The following COL24A1 variants were observed in gnomAD, a reference collection of about 807,000 sequenced individuals.
COL24A1 encodes collagen alpha-1(XXIV) chain.
A neutral mutation model predicts 253.9 loss-of-function variants in COL24A1; 224 were observed. The observed-to-expected ratio is 0.88, with a 90% confidence interval of 0.79 to 0.99. The LOEUF (loss-of-function observed/expected upper bound fraction) is 0.99. Among genes scored for constraint, COL24A1 ranks in the 50% least tolerant of loss-of-function variants. COL24A1 has a pLI of 0.00. For synonymous variants in COL24A1, 685 were observed against 673.7 expected (o/e 1.02, Z -0.26); for missense variants, 2,131 against 2,068.5 (o/e 1.03, Z -0.59).
chr1:85,860,557 C>T (rs890137590), intron 37 of COL24A1, among the ~76,000 whole-genome samples: 11 of 152,186 alleles, frequency 7.2e-5, no homozygotes, highest in Admixed American at 2.6e-4. Flanking sequence ...CTGGCTAACA[C>T]GGTGAAATCC....
chr1:85,944,263 C>T (rs989960717), intron 24 of COL24A1, among the ~76,000 whole-genome samples: 1 of 152,074 alleles, frequency 6.6e-6, no homozygotes, highest in African/African-American at 2.4e-5. Flanking sequence ...TTATATATTT[C>T]ACTTTTTGAC....
At chr1:86,055,243 T>A (rs550835985) in intron 10 of COL24A1, among the ~76,000 whole-genome samples, 1 of 152,148 alleles carries the variant, frequency 6.6e-6, no homozygotes, top group Non-Finnish European at 1.5e-5. Context: ...ACCTCAGCAT[T>A]ACACAATATA....
At chr1:86,088,803 A>C (rs1703266314) in intron 7 of COL24A1, among the ~76,000 whole-genome samples, 1 of 152,220 alleles carries the variant, frequency 6.6e-6, no homozygotes, top group South Asian at 2.1e-4. Context: ...TGACTTCAAG[A>C]TCTCAGAAGT....
chr1:85,744,183 T>C (rs1664955174), intron 57 of COL24A1, among the ~76,000 whole-genome samples: 2 of 152,232 alleles, frequency 1.3e-5, no homozygotes, highest in South Asian at 4.1e-4. Context: ...AATCGGGGCA[T>C]CTGTGTTGAG....
chr1:86,068,633 C>T lies in COL24A1; in HGVS notation c.1708-4874G>A, dbSNP rs189243453. Among the ~76,000 whole-genome samples, 6 of 152,272 alleles carry T rather than the reference C, an allele frequency of 3.9e-5. No homozygotes were observed. In the East Asian group the frequency reaches 1.2e-3, roughly 29 times the overall value. ...GGTGGAATGTGAACTAAGGAGACAA[C>T]AGCTGGCATGGCTAATGGAGTGTGA... On this transcript the variant is annotated intron_variant, in intron 7 of 59. Transcript: ENST00000370571.
At chr1:85,922,735 A>C (rs1317252153) in intron 24 of COL24A1, among the ~76,000 whole-genome samples, 1 of 152,170 alleles carries the variant, frequency 6.6e-6, no homozygotes, top group Non-Finnish European at 1.5e-5. Context: ...AAAGACCATC[A>C]ATGCTAGGAA....
At chr1:85,793,399 C>T (rs567421598) in intron 47 of COL24A1, among the ~76,000 whole-genome samples, 125 of 150,848 alleles carry the variant, frequency 8.3e-4, no homozygotes, top group Non-Finnish European at 1.6e-3. Context: ...GGGCAAAATC[C>T]TCACAGAAGG....
intron 8 of COL24A1, among the ~76,000 whole-genome samples, chr1:86,061,016 A>C (rs1248641924): frequency 6.6e-6 from 1 of 152,036 alleles, no homozygotes; most frequent in Non-Finnish European, 1.5e-5. Flanking sequence ...TAAGATAGAT[A>C]TCTTTATTCC....
chr1:85,761,531 T>C lies in COL24A1; in HGVS notation c.4410A>G (p.Pro1470=). 1.2e-6 allele frequency: 2 copies of C among 1,614,100 alleles called. No individual in the cohort carries two copies. Among genetic ancestry groups the C allele is most frequent in the Non-Finnish European group, 1.7e-6 (2 of 1,179,968 alleles). Residue 1470 remains proline (P), a splice_region_variant and synonymous_variant, in exon 54 of 60, where the codon CCA becomes CCG. Coordinates refer to ENST00000370571, the MANE Select transcript of COL24A1 (RefSeq NM_152890.7). ...CAGATATAAATGAAAACCAACTCAC[T>C]GGAGGCCCTGGTTGACCTCTTGGTC... ...PQGPRGQPGP[P]GPPGAPGPRK...
chr1:85,995,262 T>C (rs1694673191), intron 19 of COL24A1, among the ~76,000 whole-genome samples: 2 of 152,146 alleles, frequency 1.3e-5, no homozygotes, highest in Non-Finnish European at 2.9e-5. Context: ...AAAATTTTTT[T>C]TTTTTTAGAG....
Position 85,849,412 on chromosome 1 carries a change from A to C in COL24A1, c.3301-6T>G. 6.2e-7 allele frequency: 1 copy of C among 1,606,364 alleles called. No individual in the cohort carries two copies. The highest frequency in any genetic ancestry group is 8.5e-7 in the Non-Finnish European group (1 of 1,174,340). Reference sequence around the variant, plus strand: ...CCCACAATTCCTTCAGGTCCCTAAAATATTCAATATAAAAAAGGAAATAAA... The same window carrying C: ...CCCACAATTCCTTCAGGTCCCTAAACTATTCAATATAAAAAAGGAAATAAA... On this transcript the variant is annotated splice_region_variant and splice_polypyrimidine_tract_variant and intron_variant, in intron 37 of 59. Coordinates refer to ENST00000370571, the MANE Select transcript of COL24A1 (RefSeq NM_152890.7).
intron 10 of COL24A1, among the ~76,000 whole-genome samples, chr1:86,053,103 T>TA (rs1700429513): frequency 6.6e-6 from 1 of 152,142 alleles, no homozygotes; most frequent in African/African-American, 2.4e-5. Context: ...AAGTGAATCA[T>TA]ACAAAAGTAT....
In COL24A1 at chr1:86,112,705, T is replaced by C. The variant is rs1344755660; in HGVS notation, c.1546-85A>G. 2.3e-6 allele frequency: 3 copies of C among 1,278,284 alleles called. No individual in the cohort carries two copies. In the African/African-American group the frequency reaches 4.4e-5, roughly 19 times the overall value. The allele number at this position is 1,278,284 out of a possible 1,614,324, so 79.2% of individuals were successfully genotyped here. ...TTGCTTACTTTCCTCTCAACATGTG[T>C]GATCCCTTTAAGCACTTGAGTTTTT... On this transcript the variant is annotated intron_variant, in intron 4 of 59. Coordinates refer to ENST00000370571, the MANE Select transcript of COL24A1 (RefSeq NM_152890.7).
At chr1:85,904,029 G>T (rs964551283) in intron 28 of COL24A1, among the ~76,000 whole-genome samples, 1 of 152,124 alleles carries the variant, frequency 6.6e-6, no homozygotes, top group African/African-American at 2.4e-5. Flanking sequence ...ATTGAGGACT[G>T]CTTCCCCCTA....
At chr1:85,897,477 G>A (rs144630037) in intron 28 of COL24A1, among the ~76,000 whole-genome samples, 3 of 152,034 alleles carry the variant, frequency 2.0e-5, no homozygotes, top group East Asian at 1.9e-4. Flanking sequence ...AAGAAAATGA[G>A]TGCTGACTGC....
intron 38 of COL24A1, among the ~76,000 whole-genome samples, chr1:85,848,617 T>C (rs1677405097): frequency 6.6e-6 from 1 of 152,174 alleles, no homozygotes; most frequent in Admixed American, 6.6e-5. Flanking sequence ...GCCAACAAAC[T>C]GACCTTTCTT....
chr1:86,121,313 C>A (rs1166427470), intron 3 of COL24A1, among the ~76,000 whole-genome samples: 1 of 151,890 alleles, frequency 6.6e-6, no homozygotes, highest in Non-Finnish European at 1.5e-5. Flanking sequence ...TACTCAGTAC[C>A]ATTGTTTAAA....
intron 24 of COL24A1, among the ~76,000 whole-genome samples, chr1:85,922,606 G>A (rs1422375270): frequency 1.3e-5 from 2 of 152,172 alleles, no homozygotes; most frequent in South Asian, 2.1e-4. Flanking sequence ...ATCCTTTACA[G>A]ACAAGCAAAT....
rs536677386 is a variant in COL24A1, at chr1:85,830,784, C to T, written c.3682-7046G>A. ...CAATGCCTTGCCCTGCTTCGGCTCG[C>T]GCACAGTGCGTGCACCCACTGACCT... On this transcript the variant is annotated intron_variant, in intron 43 of 59. Coordinates refer to ENST00000370571, the MANE Select transcript of COL24A1 (RefSeq NM_152890.7). Among the ~76,000 whole-genome samples the T allele has an allele frequency of 1.8e-3, 267 of 152,242 alleles. 1 individual carries two copies. Among genetic ancestry groups the T allele is most frequent in the Non-Finnish European group, 3.4e-3 (229 of 68,008 alleles).
Sources: gnomAD v4.1 joint callset for allele counts (sites outside exome capture counted in the v4.1 genomes callset) on GRCh38, gnomAD v4.1.1 for gene constraint, MANE v1.5 for transcripts, NCBI Gene and HGNC (gene_info 2026-07-23, HGNC 2026-07-21) for gene names.